TDRD6: variants seen among roughly 807,000 people sequenced by gnomAD.
The protein encoded by TDRD6 is tudor domain-containing protein 6.
Under a neutral mutation model 157.5 loss-of-function variants are expected in TDRD6, and 186 were observed. The ratio of observed to expected loss-of-function variants is 1.18; its 90% CI spans 1.05 to 1.33. The LOEUF (loss-of-function observed/expected upper bound fraction) is 1.33, where lower values mean the gene tolerates loss of function less well. Among genes scored for constraint, TDRD6 ranks in the 40% most tolerant of loss-of-function variants. The pLI is 0.00. For synonymous variants in TDRD6, 1,075 were observed against 945.2 expected, an observed-to-expected ratio of 1.14 and a Z score of -2.52; for missense variants, 3,066 against 2,508.0, an observed-to-expected ratio of 1.22 and a Z score of -4.75.
chr6:46,689,606 TAG>T lies in TDRD6; in HGVS notation c.1481_1482del (p.Glu494ValfsTer3). Reference sequence around the variant, plus strand: ...ATGAATGCCTTCTACGATGCGCAGGTAGAGTTTGTTAAAAATCCTTCTGAGTT... The same window carrying T: ...ATGAATGCCTTCTACGATGCGCAGGTAGTTTGTTAAAAATCCTTCTGAGTT... On this transcript the variant is annotated frameshift_variant, in exon 1 of 4. Transcript: ENST00000316081. LOFTEE classifies it high-confidence loss of function. 1 of 1,614,106 alleles carries T rather than the reference TAG, an allele frequency of 6.2e-7. No homozygotes were observed. Among genetic ancestry groups the T allele is most frequent in the Non-Finnish European group, 8.5e-7 (1 of 1,180,020 alleles).
rs749611205 is a variant in TDRD6 at position 46,701,890 on chromosome 6, G to T, written c.*3G>T. 7 of 1,612,256 alleles carry T rather than the reference G, an allele frequency of 4.3e-6. No homozygotes were observed. The highest frequency in any genetic ancestry group is 1.7e-5 in the Admixed American group (1 of 59,926). On this transcript the variant is annotated 3_prime_UTR_variant, in exon 4 of 4. Coordinates refer to ENST00000316081, the MANE Select transcript of TDRD6 (RefSeq NM_001010870.3). ...GTTTGGAGGTGATGGAGATTTAACCGTGGATCTATAGCTGTGGCCAATCAG... is the reference window on the plus strand; with the variant it reads ...GTTTGGAGGTGATGGAGATTTAACCTTGGATCTATAGCTGTGGCCAATCAG...
chr6:46,693,075 G>A lies in TDRD6; in HGVS notation c.4947G>A (p.Glu1649=), dbSNP rs185869913. The change falls in exon 1 of 4, where the codon GAG becomes GAA. Residue 1649 remains glutamate (E), a synonymous_variant. Transcript: ENST00000316081. ...FNISEGLCSQ[E]GNDYFYEIIT... ...TTTCAGAAGGATTATGTTCTCAAGA[G>A]GGAAATGACTATTTCTATGAAATAA... 6.8e-6 allele frequency: 11 copies of A among 1,613,896 alleles called. No homozygotes were observed. Among genetic ancestry groups the A allele is most frequent in the East Asian group, 6.7e-5 (3 of 44,882 alleles).
At position 46,689,022 on chromosome 6, in the gene TDRD6, T is replaced by C. The variant is rs1764214973; in HGVS notation, c.894T>C (p.Ser298=). 2 of 1,613,796 alleles carry C rather than the reference T, an allele frequency of 1.2e-6. No individual in the cohort carries two copies. The part of the protein sequence containing the change: ...RGSTGTGDEN[S]TSATWEEREE... ...CCACGGGGACAGGGGATGAGAACTC[T>C]ACCAGTGCCACCTGGGAGGAGAGGG... The change falls in exon 1 of 4, where the codon TCT becomes TCC. Residue 298 remains serine (S), a synonymous_variant. Transcript: ENST00000316081.
chr6:46,689,526 TGAA>T lies in TDRD6; in HGVS notation c.1403_1405del (p.Glu468del). The T allele has an allele frequency of 6.2e-7, 1 of 1,614,108 alleles. No homozygotes were observed. The highest frequency in any genetic ancestry group is 8.5e-7 in the Non-Finnish European group (1 of 1,180,024). ...AAACATCTCAGTCTCAGTCTCCTGC[TGAA>T]GAAGTAGATGAAGAGATTTCACTCC... On this transcript the variant is annotated inframe_deletion, in exon 1 of 4. Coordinates refer to ENST00000316081, the MANE Select transcript of TDRD6 (RefSeq NM_001010870.3).
rs773043011 is a variant in TDRD6 at position 46,693,434 on chromosome 6, G to A, written c.5306G>A (p.Arg1769His). 12 of 1,614,060 alleles carry A rather than the reference G, an allele frequency of 7.4e-6. No homozygotes were observed. Among genetic ancestry groups the A allele is most frequent in the East Asian group, 4.5e-5 (2 of 44,872 alleles). Residue 1769 changes from arginine (R) to histidine (H), a missense_variant, in exon 1 of 4, where the codon CGT becomes CAT. Arg to His is a conservative substitution (Grantham distance 29). Coordinates refer to ENST00000316081, the MANE Select transcript of TDRD6 (RefSeq NM_001010870.3). ...ATTGGAACCAAACCAAGTAACTTCC[G>A]TGACCCTAAAACTGATAACATTTGT... is the stretch of plus-strand genomic sequence containing the variant. ...NIIGTKPSNF[R>H]DPKTDNICEG...
intron 3 of TDRD6, 21 bp from the exon 4 acceptor site, chr6:46,701,837 G>A (rs1215045504): frequency 3.1e-6 from 5 of 1,612,294 alleles, no homozygotes; most frequent in Non-Finnish European, 4.2e-6. Context: ...TCAGTTTGAA[G>A]TTTTTCTCTT....
In TDRD6 at chr6:46,690,186, T is replaced by C. The variant is rs753372300; in HGVS notation, c.2058T>C (p.His686=). The C allele has an allele frequency of 3.7e-5, 59 of 1,613,766 alleles. No individual in the cohort carries two copies. Among genetic ancestry groups the C allele is most frequent in the Non-Finnish European group, 2.7e-5 (32 of 1,180,026 alleles). Residue 686 remains histidine (H), a synonymous_variant, in exon 1 of 4, where the codon CAT becomes CAC. Transcript: ENST00000316081. Reference sequence around the variant, plus strand: ...TGGTAAATGCCCACTCCCCAGGGCATGTTTCAAACCACTTTACTACGGAGA... The same window carrying C: ...TGGTAAATGCCCACTCCCCAGGGCACGTTTCAAACCACTTTACTACGGAGA... ...NILVNAHSPG[H]VSNHFTTESN...
Position 46,688,542 on chromosome 6 carries a change from CTGCGGCG to C in TDRD6, c.415_421del (p.Cys139ArgfsTer110). 1 of 1,576,304 alleles carries C rather than the reference CTGCGGCG, an allele frequency of 6.3e-7. No homozygotes were observed. The highest frequency in any genetic ancestry group is 8.6e-7 in the Non-Finnish European group (1 of 1,166,594). The stretch of plus-strand genomic sequence containing the variant: ...TGCTAGCGGGCCTGGTGCCGGCAGG[CTGCGGCG>C]CGGGCTCAGGCGAGCCGCCGCAGCA... On this transcript the variant is annotated frameshift_variant, in exon 1 of 4. Coordinates refer to ENST00000316081, the MANE Select transcript of TDRD6 (RefSeq NM_001010870.3). LOFTEE classifies it high-confidence loss of function.
chr6:46,701,002 G>C (rs1463771285), intron 3 of TDRD6: 1 of 454,236 alleles, frequency 2.2e-6, no homozygotes, highest in South Asian at 1.7e-5. Context: ...TTGTTAGGCT[G>C]TATCCCAAAG....
chr6:46,693,312 A>G lies in TDRD6; in HGVS notation c.5184A>G (p.Gly1728=), dbSNP rs1416087388. ...QTLGSYNLDV[G]LKKLSNKAVQ... is the part of the protein sequence containing the mutation. ...TTGGGTCCTACAATCTTGATGTAGG[A>G]CTTAAGAAATTAAGTAATAAAGCTG... The change falls in exon 1 of 4, where the codon GGA becomes GGG. Residue 1728 remains glycine (G), a synonymous_variant. Coordinates refer to ENST00000316081, the MANE Select transcript of TDRD6 (RefSeq NM_001010870.3). The G allele has an allele frequency of 1.9e-6, 3 of 1,606,158 alleles. No homozygotes were observed. The African/African-American group carries it at 4.0e-5, about 22-fold the overall frequency.
chr6:46,690,446 C>T lies in TDRD6; in HGVS notation c.2318C>T (p.Thr773Ile), dbSNP rs1018763679. ...SSKGELEVGSTVEVRVSYVEN... is the reference protein window; with the variant it reads ...SSKGELEVGSIVEVRVSYVEN... ...AAAGGAGAGCTGGAAGTTGGAAGTA[C>T]AGTAGAAGTCAGAGTGTCTTATGTT... Residue 773 changes from threonine to isoleucine, a missense_variant, in exon 1 of 4, where the codon ACA (threonine) becomes ATA (isoleucine). Transcript: ENST00000316081. The T allele has an allele frequency of 5.0e-6, 8 of 1,613,998 alleles. No individual in the cohort carries two copies. The highest frequency in any genetic ancestry group is 6.8e-6 in the Non-Finnish European group (8 of 1,180,026).
chr6:46,688,695 A>G lies in TDRD6; in HGVS notation c.567A>G (p.Gln189=). The G allele has an allele frequency of 6.2e-7, 1 of 1,600,660 alleles. No individual in the cohort carries two copies. The highest frequency in any genetic ancestry group is 8.5e-7 in the Non-Finnish European group (1 of 1,179,760). The change falls in exon 1 of 4, where the codon CAA becomes CAG. Residue 189 remains glutamine, a synonymous_variant. Transcript: ENST00000316081. ...LVLLEVPDVF[Q]QMRELGLARR... is the part of the protein sequence containing the mutation. ...TCCTGGAGGTGCCTGATGTGTTCCA[A>G]CAGATGCGGGAGCTGGGCCTGGCTC...
chr6:46,692,020 C>G lies in TDRD6; in HGVS notation c.3892C>G (p.Gln1298Glu). Residue 1298 changes from glutamine to glutamate, a missense_variant, in exon 1 of 4, where the codon CAG (glutamine) becomes GAG (glutamate). Physicochemically the swap from Gln to Glu is conservative, Grantham distance 29. Coordinates refer to ENST00000316081, the MANE Select transcript of TDRD6 (RefSeq NM_001010870.3). Reference protein sequence around the residue: ...DLPLKFCEFPQKTIMPGFKTT... With the variant: ...DLPLKFCEFPEKTIMPGFKTT... ...GCCTCTGAAATTTTGTGAGTTCCCA[C>G]AGAAGACTATAATGCCTGGATTTAA... is the stretch of plus-strand genomic sequence containing the variant. The G allele has an allele frequency of 1.2e-6, 2 of 1,613,822 alleles. No homozygotes were observed. The highest frequency in any genetic ancestry group is 1.7e-6 in the Non-Finnish European group (2 of 1,179,908).
rs1160471856 is a variant in TDRD6, at chr6:46,688,060, C to T, written c.-69C>T. 5.7e-6 allele frequency: 8 copies of T among 1,408,428 alleles called. No individual in the cohort carries two copies. In the African/African-American group the frequency reaches 7.6e-5, roughly 13 times the overall value. The allele number at this position is 1,408,428 out of a possible 1,614,324, so 87.2% of individuals were successfully genotyped here. Reference sequence around the variant, plus strand: ...GGCTGGGACTCGCCTTCAGGCGGCGCGGAGGATTTCGAGGCCCTGAGGCGC... The same window carrying T: ...GGCTGGGACTCGCCTTCAGGCGGCGTGGAGGATTTCGAGGCCCTGAGGCGC... On this transcript the variant is annotated 5_prime_UTR_variant, in exon 1 of 4. Transcript: ENST00000316081.
chr6:46,690,323 G>A lies in TDRD6; in HGVS notation c.2195G>A (p.Gly732Asp). The change falls in exon 1 of 4, where the codon GGT becomes GAT. Residue 732 changes from glycine to aspartate, a missense_variant. By Grantham distance (94) the Gly-to-Asp change is moderately conservative. Transcript: ENST00000316081. ...AGTGACACAACAGTTGTAACAAATGGTTCAACTGAACTAGTTGTGCAGGAA... is the reference window on the plus strand; with the variant it reads ...AGTGACACAACAGTTGTAACAAATGATTCAACTGAACTAGTTGTGCAGGAA... Reference protein sequence around the residue: ...ALSDTTVVTNGSTELVVQEKV... With the variant: ...ALSDTTVVTNDSTELVVQEKV... The A allele has an allele frequency of 1.2e-6, 2 of 1,613,366 alleles. No homozygotes were observed. The highest frequency in any genetic ancestry group is 8.5e-7 in the Non-Finnish European group (1 of 1,179,978).
Position 46,691,565 on chromosome 6 carries a change from T to A in TDRD6, c.3437T>A (p.Ile1146Asn). 5 of 1,613,630 alleles carry A rather than the reference T, an allele frequency of 3.1e-6. No individual in the cohort carries two copies. The highest frequency in any genetic ancestry group is 4.2e-6 in the Non-Finnish European group (5 of 1,179,766). The change falls in exon 1 of 4, where the codon ATT becomes AAT. Residue 1146 changes from isoleucine (I) to asparagine (N), a missense_variant. By Grantham distance (149) the Ile-to-Asn change is moderately radical. Transcript: ENST00000316081. ...ATTATAGAACTATATGGTGACAATA[T>A]TCAAATTAGTGCTAGTATTAATAAG... ...TLIIELYGDNIQISASINKKL... is the reference protein window; with the variant it reads ...TLIIELYGDNNQISASINKKL...
At position 46,688,169 on chromosome 6, in the gene TDRD6, T is replaced by C. The variant is rs1331604779; in HGVS notation, c.41T>C (p.Leu14Pro). 1 of 1,548,838 alleles carries C rather than the reference T, an allele frequency of 6.5e-7. No homozygotes were observed. The highest frequency in any genetic ancestry group is 8.7e-7 in the Non-Finnish European group (1 of 1,153,722). The change falls in exon 1 of 4, where the codon CTG becomes CCG. Residue 14 changes from leucine (L) to proline (P), a missense_variant. By Grantham distance (98) the Leu-to-Pro change is moderately conservative (BLOSUM62 -3). Transcript: ENST00000316081. ...TPGMPAPGAS[L>P]ALRVSFVDVH... ...GGAATGCCGGCGCCGGGGGCCTCGC[T>C]GGCCCTGCGGGTGTCCTTCGTGGAC...
Position 46,692,828 on chromosome 6 carries a change from G to C in TDRD6, c.4700G>C (p.Cys1567Ser), listed in dbSNP as rs1256534944. Residue 1567 changes from cysteine to serine, a missense_variant, in exon 1 of 4, where the codon TGT (cysteine) becomes TCT (serine). Cys to Ser is a moderately radical substitution (Grantham distance 112). Transcript: ENST00000316081. ...GCAGACAGGAGAAATTGTATCCCATGTCCTTATATTGGAGATCCTTGTATA... is the reference window on the plus strand; with the variant it reads ...GCAGACAGGAGAAATTGTATCCCATCTCCTTATATTGGAGATCCTTGTATA... ...QVADRRNCIP[C>S]PYIGDPCIVR... 4 of 1,614,052 alleles carry C rather than the reference G, an allele frequency of 2.5e-6. No individual in the cohort carries two copies. The South Asian group carries it at 4.4e-5, about 18-fold the overall frequency.
Position 46,692,332 on chromosome 6 carries a change from G to A in TDRD6, c.4204G>A (p.Gly1402Ser). 1 of 1,614,128 alleles carries A rather than the reference G, an allele frequency of 6.2e-7. No homozygotes were observed. Among genetic ancestry groups the A allele is most frequent in the Non-Finnish European group, 8.5e-7 (1 of 1,179,996 alleles). ...NVSVVHTNKI[G>S]RLDLVNAILP... ...TTCTGTGGTTCATACTAACAAAATA[G>A]GTAGGCTTGACCTTGTTAATGCAAT... Residue 1402 changes from glycine (G) to serine (S), a missense_variant, in exon 1 of 4, where the codon GGT becomes AGT. Transcript: ENST00000316081.
Sources: gnomAD v4.1 joint callset for allele counts on GRCh38, gnomAD v4.1.1 for gene constraint, MANE v1.5 for transcripts, NCBI Gene and HGNC (gene_info 2026-07-23, HGNC 2026-07-21) for gene names.